Variants in PCED1B observed in about 807,000 individuals in gnomAD.
The protein encoded by PCED1B is PC-esterase domain-containing protein 1B.
For missense variants in PCED1B, 573 were observed against 573.9 expected (o/e 1.00, Z 0.02); for synonymous variants, 251 against 246.1 (o/e 1.02, Z -0.19).
chr12:47,149,651 C>T (rs1940918341), intron 2 of PCED1B, among the ~76,000 whole-genome samples: 1 of 152,100 alleles, frequency 6.6e-6, no homozygotes, highest in Non-Finnish European at 1.5e-5. Context: ...CGTGTGAGCT[C>T]TTTGTTTTAA....
At chr12:47,183,503 A>G (rs1052311074) in intron 2 of PCED1B, among the ~76,000 whole-genome samples, 10 of 152,220 alleles carry the variant, frequency 6.6e-5, no homozygotes, top group African/African-American at 2.4e-4. Context: ...CATCATATTA[A>G]AGGCTCAGAG....
chr12:47,217,454 AAGAAAAAGAAAGAAAGAG>A (rs1445872323), intron 3 of PCED1B, among the ~76,000 whole-genome samples: 1 of 91,082 alleles, frequency 1.1e-5, no homozygotes. Context: ...GAAAGAAAGA[AAGAAAAAGAAAGAAAGAG>A]AAAGAAAGAA....
At chr12:47,229,899 A>T (rs1943747147) in intron 3 of PCED1B, among the ~76,000 whole-genome samples, 1 of 150,692 alleles carries the variant, frequency 6.6e-6, no homozygotes. Flanking sequence ...CCTCCCGAGT[A>T]GCTGGGACTA....
At chr12:47,112,262 G>A (rs746224965) in intron 2 of PCED1B, among the ~76,000 whole-genome samples, 3 of 152,164 alleles carry the variant, frequency 2.0e-5, no homozygotes, top group Non-Finnish European at 4.4e-5. Context: ...GGAAACTTCT[G>A]CCAAACTTGC....
intron 2 of PCED1B, among the ~76,000 whole-genome samples, chr12:47,214,037 G>T (rs980836024): frequency 1.3e-5 from 2 of 152,142 alleles, no homozygotes; most frequent in African/African-American, 4.8e-5. Context: ...TTATAGAATT[G>T]CTAGAACTAA....
chr12:47,184,157 G>A (rs11183778), intron 2 of PCED1B, among the ~76,000 whole-genome samples: 32,183 of 152,040 alleles, frequency 0.21, 4,076 homozygotes, highest in East Asian at 0.43. Context: ...GGATTGCACC[G>A]CACCAGGCCA....
intron 1 of PCED1B, among the ~76,000 whole-genome samples, chr12:47,100,895 C>G (rs902545716): frequency 2.0e-5 from 3 of 152,000 alleles, no homozygotes; most frequent in African/African-American, 7.3e-5. Flanking sequence ...TGGTGAAACA[C>G]TGTGTCTATT....
intron 2 of PCED1B, among the ~76,000 whole-genome samples, chr12:47,195,901 C>G (rs1032234341): frequency 1.3e-5 from 2 of 152,096 alleles, no homozygotes; most frequent in Non-Finnish European, 2.9e-5. Flanking sequence ...TTTTATTAAC[C>G]ATTTGCTTTT....
intron 2 of PCED1B, among the ~76,000 whole-genome samples, chr12:47,178,303 A>G (rs1318919828): frequency 6.6e-6 from 1 of 152,146 alleles, no homozygotes; most frequent in African/African-American, 2.4e-5. Flanking sequence ...GACCCGGTGG[A>G]TGCCATGTGC....
rs530882074 is a variant in PCED1B, at chr12:47,135,527, G to C, written c.-526+31332G>C. On this transcript the variant is annotated intron_variant, in intron 2 of 3. Transcript: ENST00000546455. ...AAGATCAGCACTGAGATGATGATGA[G>C]CAGAATGGTCAGGAGGATGCCCAGA... 5.6e-4 allele frequency: 284 copies of C among 509,512 alleles called. 2 individuals are homozygous for C. The highest frequency in any genetic ancestry group is 5.0e-3 in the African/African-American group (259 of 51,428). The allele number at this position is 509,512 out of a possible 1,614,324, so 31.6% of individuals were successfully genotyped here.
intron 2 of PCED1B, among the ~76,000 whole-genome samples, chr12:47,145,755 C>T (rs560226228): frequency 7.2e-5 from 11 of 152,266 alleles, no homozygotes; most frequent in South Asian, 2.1e-4. Context: ...AATATAAATT[C>T]CTTTTACAAT....
chr12:47,178,361 T>C (rs1345362324), intron 2 of PCED1B, among the ~76,000 whole-genome samples: 1 of 152,046 alleles, frequency 6.6e-6, no homozygotes, highest in African/African-American at 2.4e-5. Flanking sequence ...AAGCACCCAC[T>C]TGTAGAAAGT....
At chr12:47,173,417 C>T (rs976354764) in intron 2 of PCED1B, among the ~76,000 whole-genome samples, 1 of 152,096 alleles carries the variant, frequency 6.6e-6, no homozygotes, top group Non-Finnish European at 1.5e-5. Flanking sequence ...CCACGCCCAG[C>T]TAATTTTTGT....
At chr12:47,125,694 T>C (rs1239573477) in intron 2 of PCED1B, among the ~76,000 whole-genome samples, 2 of 152,104 alleles carry the variant, frequency 1.3e-5, no homozygotes, top group African/African-American at 4.8e-5. Context: ...CAGTGTTTTG[T>C]AGTTTTCAGT....
intron 2 of PCED1B, among the ~76,000 whole-genome samples, chr12:47,129,856 A>G (rs1940051027): frequency 6.6e-6 from 1 of 152,224 alleles, no homozygotes; most frequent in Admixed American, 6.5e-5. Flanking sequence ...AACCATCAAT[A>G]GTGTAGTGTA....
chr12:47,207,386 G>A (rs1942943824), intron 2 of PCED1B, among the ~76,000 whole-genome samples: 1 of 151,916 alleles, frequency 6.6e-6, no homozygotes, highest in African/African-American at 2.4e-5. Flanking sequence ...GAAAGAGGAA[G>A]CCCTGTGCCA....
intron 2 of PCED1B, among the ~76,000 whole-genome samples, chr12:47,125,713 C>G (rs1391762639): frequency 2.0e-5 from 3 of 151,950 alleles, no homozygotes; most frequent in Admixed American, 6.6e-5. Context: ...GTGTACAAGC[C>G]TTGGACAGCT....
At chr12:47,126,505 C>T (rs184311802) in intron 2 of PCED1B, among the ~76,000 whole-genome samples, 7 of 152,178 alleles carry the variant, frequency 4.6e-5, no homozygotes, top group South Asian at 4.1e-4. Context: ...ATCAACATAA[C>T]GCTGGCCTGC....
chr12:47,089,506 AAACATACC>A (rs1291244711), intron 1 of PCED1B, among the ~76,000 whole-genome samples: 6 of 139,754 alleles, frequency 4.3e-5, no homozygotes, highest in African/African-American at 1.6e-4. Context: ...ATATACCAAA[AAACATACC>A]TACCTATCTG....
Sources: gnomAD v4.1 joint callset for allele counts (sites outside exome capture counted in the v4.1 genomes callset) on GRCh38, gnomAD v4.1.1 for gene constraint, MANE v1.5 for transcripts, NCBI Gene and HGNC (gene_info 2026-07-23, HGNC 2026-07-21) for gene names.